NR2F1-AS1: variants seen among roughly 807,000 people sequenced by gnomAD.
The protein encoded by NR2F1-AS1 is NR2F1 antisense RNA 1.
intron 4 of NR2F1-AS1, among the ~76,000 whole-genome samples, chr5:93,467,283 A>G (rs921976699): frequency 1.3e-5 from 2 of 152,170 alleles, no homozygotes; most frequent in African/African-American, 2.4e-5. Flanking sequence ...AAAAAAACTC[A>G]TATGATGCAG....
Position 93,505,872 on chromosome 5 carries a change from CCA to C in NR2F1-AS1, n.638+47887_638+47888del, listed in dbSNP as rs887881945. Among the ~76,000 whole-genome samples the C allele has an allele frequency of 9.8e-5, 15 of 152,318 alleles. No individual in the cohort carries two copies. The East Asian group carries it at 2.3e-3, about 24-fold the overall frequency. On this transcript the variant is annotated intron_variant and non_coding_transcript_variant, in intron 4 of 5. Transcript: ENST00000660523. The stretch of plus-strand genomic sequence containing the variant: ...GAGACATGGCCTGGAGACATTTTCC[CCA>C]CGGTCTTGGGGATTAACATTAGGCT...
intron 4 of NR2F1-AS1, among the ~76,000 whole-genome samples, chr5:93,433,130 G>A (rs902596732): frequency 2.0e-5 from 3 of 152,184 alleles, no homozygotes; most frequent in South Asian, 2.1e-4. Flanking sequence ...AAGTTCTCTC[G>A]TATCTTATAG....
chr5:93,443,699 A>C (rs1422327408), intron 4 of NR2F1-AS1, among the ~76,000 whole-genome samples: 1 of 152,210 alleles, frequency 6.6e-6, no homozygotes, highest in Admixed American at 6.5e-5. Flanking sequence ...AATACAAAGA[A>C]CACCACAAAG....
At chr5:93,424,748 T>A (rs1749160250) in intron 4 of NR2F1-AS1, among the ~76,000 whole-genome samples, 1 of 152,054 alleles carries the variant, frequency 6.6e-6, no homozygotes, top group Non-Finnish European at 1.5e-5. Context: ...TTAATAGGTT[T>A]CAAAAAACAG....
Position 93,418,487 on chromosome 5 carries a change from T to C in NR2F1-AS1, n.639-22945A>G, listed in dbSNP as rs1393946471. Reference sequence around the variant, plus strand: ...CTGTAGTCTCAGCTACTTGGGAGGCTGAGGCAGAGAATCGCTTGAACCCAG... The same window carrying C: ...CTGTAGTCTCAGCTACTTGGGAGGCCGAGGCAGAGAATCGCTTGAACCCAG... On this transcript the variant is annotated intron_variant and non_coding_transcript_variant, in intron 4 of 5. Coordinates refer to ENST00000660523, the Ensembl canonical transcript of NR2F1-AS1. 7.2e-5 allele frequency among the ~76,000 whole-genome samples: 11 copies of C among 152,150 alleles called. No individual in the cohort carries two copies. The East Asian group carries it at 1.5e-3, about 21-fold the overall frequency.
intron 4 of NR2F1-AS1, among the ~76,000 whole-genome samples, chr5:93,437,535 G>GGGAA (rs775806232): frequency 1.9e-4 from 29 of 152,098 alleles, no homozygotes; most frequent in Non-Finnish European, 3.4e-4. Context: ...AAAAGTCACA[G>GGGAA]TTATAAGGCC....
Position 93,449,405 on chromosome 5 carries a change from G to C in NR2F1-AS1, n.639-53863C>G, listed in dbSNP as rs565202948. ...AAGGCCTGGATACAGCAACAATGTAGATCATCTTACTTTACTCCTTTACTC... is the reference window on the plus strand; with the variant it reads ...AAGGCCTGGATACAGCAACAATGTACATCATCTTACTTTACTCCTTTACTC... On this transcript the variant is annotated intron_variant and non_coding_transcript_variant, in intron 4 of 5. Transcript: ENST00000660523. Among the ~76,000 whole-genome samples, 7 of 152,176 alleles carry C rather than the reference G, an allele frequency of 4.6e-5. No homozygotes were observed. The South Asian group carries it at 1.5e-3, about 32-fold the overall frequency.
chr5:93,581,722 CTCTCT>C (rs1561519172), upstream of NR2F1-AS1, among the ~76,000 whole-genome samples: 6 of 69,016 alleles, frequency 8.7e-5, no homozygotes, highest in African/African-American at 4.7e-4. Flanking sequence ...CTCTCTCTCT[CTCTCT>C]CTCTCTCCCC....
At chr5:93,484,636 T>C (rs1201657675) in intron 4 of NR2F1-AS1, among the ~76,000 whole-genome samples, 1 of 151,928 alleles carries the variant, frequency 6.6e-6, no homozygotes, top group South Asian at 2.1e-4. Flanking sequence ...TAAATTCCCC[T>C]CTTAAAAGAC....
chr5:93,544,639 T>A (rs1580319623), intron 4 of NR2F1-AS1, among the ~76,000 whole-genome samples: 1 of 152,080 alleles, frequency 6.6e-6, no homozygotes, highest in African/African-American at 2.4e-5. Flanking sequence ...AAATGAGTTA[T>A]TCGGCCGGGT....
At chr5:93,448,513 A>G (rs1032467952) in intron 4 of NR2F1-AS1, among the ~76,000 whole-genome samples, 3 of 152,184 alleles carry the variant, frequency 2.0e-5, no homozygotes, top group African/African-American at 7.2e-5. Flanking sequence ...TCTGATAGGG[A>G]TGGGGATGCA....
intron 4 of NR2F1-AS1, among the ~76,000 whole-genome samples, chr5:93,462,951 T>C (rs61621185): frequency 0.014 from 2,203 of 152,258 alleles, 64 homozygotes; most frequent in African/African-American, 0.05. Flanking sequence ...ATTTGCAACC[T>C]GATGACATGA....
At chr5:93,536,017 CAT>C (rs1351744576) in intron 4 of NR2F1-AS1, among the ~76,000 whole-genome samples, 1 of 151,978 alleles carries the variant, frequency 6.6e-6, no homozygotes, top group Non-Finnish European at 1.5e-5. Flanking sequence ...AAACTGTTTG[CAT>C]ATGACATGAT....
At chr5:93,504,216 G>A (rs1482426938) in intron 4 of NR2F1-AS1, among the ~76,000 whole-genome samples, 2 of 152,092 alleles carry the variant, frequency 1.3e-5, no homozygotes, top group African/African-American at 4.8e-5. Flanking sequence ...GATCATTGTT[G>A]TATAAGTCCA....
At chr5:93,556,795 A>G (rs1433243202) in intron 2 of NR2F1-AS1, among the ~76,000 whole-genome samples, 1 of 152,088 alleles carries the variant, frequency 6.6e-6, no homozygotes, top group Non-Finnish European at 1.5e-5. Context: ...AAGAACCAAC[A>G]CCTTGATCTC....
At chr5:93,426,571 T>C (rs541467956) in intron 4 of NR2F1-AS1, among the ~76,000 whole-genome samples, 1 of 152,342 alleles carries the variant, frequency 6.6e-6, no homozygotes, top group East Asian at 1.9e-4. Flanking sequence ...TGCATATCTC[T>C]GCACTACTTT....
rs568659052 is a variant in NR2F1-AS1 at position 93,429,030 on chromosome 5, C to T, written n.639-33488G>A. On this transcript the variant is annotated intron_variant and non_coding_transcript_variant, in intron 4 of 5. Transcript: ENST00000660523. ...TCTTTGCAAAGGCCCAGACTGGCTTCATCTTTCTTAAGATTTTATCACTGA... is the reference window on the plus strand; with the variant it reads ...TCTTTGCAAAGGCCCAGACTGGCTTTATCTTTCTTAAGATTTTATCACTGA... Among the ~76,000 whole-genome samples, 5 of 152,230 alleles carry T rather than the reference C, an allele frequency of 3.3e-5. No individual in the cohort carries two copies. The South Asian group carries it at 1.0e-3, about 32-fold the overall frequency.
At chr5:93,502,150 T>C (rs1277545750) in intron 4 of NR2F1-AS1, among the ~76,000 whole-genome samples, 1 of 152,204 alleles carries the variant, frequency 6.6e-6, no homozygotes, top group African/African-American at 2.4e-5. Context: ...TGCAGTATAG[T>C]GTAAACATAA....
chr5:93,544,724 C>A (rs900230762), intron 4 of NR2F1-AS1: 6 of 151,898 alleles, frequency 4.0e-5, no homozygotes, highest in African/African-American at 7.3e-5. Flanking sequence ...GAGATCGAGA[C>A]CATCCTGGCC....
Sources: allele counts gnomAD v4.1 joint callset (sites outside exome capture counted in the v4.1 genomes callset), GRCh38; gene constraint gnomAD v4.1.1; transcripts MANE v1.5; gene names NCBI Gene and HGNC (gene_info 2026-07-23, HGNC 2026-07-21).